The following SCRIB variants were observed in gnomAD, a reference collection of about 807,000 sequenced individuals.
SCRIB encodes protein scribble homolog.
Under a neutral mutation model 170.0 loss-of-function variants are expected in SCRIB, and 72 were observed. That is an observed-to-expected ratio of 0.42 (90% CI 0.35 to 0.52). SCRIB has a LOEUF of 0.52. Among genes scored for constraint, SCRIB ranks in the 20% least tolerant of loss-of-function variants. The pLI is 0.02. For synonymous variants in SCRIB, 1,298 were observed against 1,044.3 expected, an observed-to-expected ratio of 1.24 and a Z score of -4.68; for missense variants, 2,475 against 2,338.5, an observed-to-expected ratio of 1.06 and a Z score of -1.20.
Position 143,813,635 on chromosome 8 carries a change from A to G in SCRIB, c.446+2T>C. 6.2e-7 allele frequency: 1 copy of G among 1,613,084 alleles called. No individual in the cohort carries two copies. The highest frequency in any genetic ancestry group is 8.5e-7 in the Non-Finnish European group (1 of 1,179,846). On this transcript the variant is annotated splice_donor_variant, in intron 4 of 36. Coordinates refer to ENST00000356994, the MANE Select transcript of SCRIB (RefSeq NM_182706.5). LOFTEE classifies it high-confidence loss of function. ...CCTAGTTCCACCTGAGAAGGCACTC[A>G]CTTGCCCACGTCCCCGGGCAGTGCC...
chr8:143,795,205 C>T, intron 26 of SCRIB, 72 bp downstream of exon 26: 1 of 1,602,268 alleles, frequency 6.2e-7, no homozygotes, highest in Non-Finnish European at 8.5e-7. Flanking sequence ...GGGGTTACTA[C>T]CCAGCACCCC....
Position 143,811,044 on chromosome 8 carries a change from G to A in SCRIB, c.1135C>T (p.His379Tyr). The A allele has an allele frequency of 6.2e-7, 1 of 1,612,328 alleles. No homozygotes were observed. Among genetic ancestry groups the A allele is most frequent in the Non-Finnish European group, 8.5e-7 (1 of 1,179,602 alleles). The change falls in exon 11 of 37, where the codon CAC (histidine) becomes TAC (tyrosine). Residue 379 changes from histidine to tyrosine, a missense_variant. By Grantham distance (83) the His-to-Tyr change is moderately conservative. Coordinates refer to ENST00000356994, the MANE Select transcript of SCRIB (RefSeq NM_182706.5). ...RLQSLPFALT[H>Y]LNLKALWLAE... ...AGCCACAGGGCCTTGAGATTGAGGT[G>A]GGTGAGCGCGAACGGCAGACTCTGC...
In SCRIB at chr8:143,791,237, C is replaced by G. The variant is rs201742088; in HGVS notation, c.4894G>C (p.Glu1632Gln). The G allele has an allele frequency of 2.1e-5, 31 of 1,488,550 alleles. No individual in the cohort carries two copies. The East Asian group carries it at 7.3e-4, about 35-fold the overall frequency. The allele number at this position is 1,488,550 out of a possible 1,614,324, so 92.2% of individuals were successfully genotyped here. A position where few individuals can be genotyped will look rare whatever the true frequency, so the allele number is the denominator to read the frequency against. Reference sequence around the variant, plus strand: ...CGGCTGCTGCACAGTGCCACATCTTCAGGGCCCACAGCGCCGGGTGAGGGC... The same window carrying G: ...CGGCTGCTGCACAGTGCCACATCTTGAGGGCCCACAGCGCCGGGTGAGGGC... ...GRPSPGAVGPEDVALCSSRRP... is the reference protein window; with the variant it reads ...GRPSPGAVGPQDVALCSSRRP... The change falls in exon 37 of 37, where the codon GAA becomes CAA. Residue 1632 changes from glutamate to glutamine, a missense_variant. This residue lies in a region of SCRIB where 1,966 missense variants were observed against 1,742.9 expected (regional missense o/e 1.13). Transcript: ENST00000356994.
At position 143,811,133 on chromosome 8, in the gene SCRIB, G is replaced by C. The variant is rs749147375; in HGVS notation, c.1106+13C>G. The C allele has an allele frequency of 1.6e-5, 25 of 1,599,160 alleles. No homozygotes were observed. The highest frequency in any genetic ancestry group is 2.0e-5 in the Non-Finnish European group (24 of 1,173,506). On this transcript the variant is annotated intron_variant, in intron 10 of 36. Coordinates refer to ENST00000356994, the MANE Select transcript of SCRIB (RefSeq NM_182706.5). ...GGCCACGGTTAGGCCCGCAGGGCAA[G>C]GCTGGCACTCACCGGTTCCCCGCCA...
At chr8:143,802,319 ACT>A (rs1815208666) in intron 24 of SCRIB, among the ~76,000 whole-genome samples, 1 of 152,190 alleles carries the variant, frequency 6.6e-6, no homozygotes, top group African/African-American at 2.4e-5. Context: ...GGGTCAGGAC[ACT>A]CTGTGACTGT....
At chr8:143,812,228 A>G (rs772416632) in intron 9 of SCRIB, 38 bp downstream of exon 9, 9 of 1,339,822 alleles carry the variant, frequency 6.7e-6, no homozygotes, top group Non-Finnish European at 9.7e-6. Context: ...TGCACCCCCG[A>G]CGGCCCCATC....
At chr8:143,803,035 C>A (rs1815237247) in intron 24 of SCRIB, among the ~76,000 whole-genome samples, 2 of 152,216 alleles carry the variant, frequency 1.3e-5, no homozygotes, top group Non-Finnish European at 2.9e-5. Context: ...TTGGAGTCAT[C>A]CCTTAGCAGC....
rs1554636127 is a variant in SCRIB, at chr8:143,805,101, C to A, written c.2670+11G>T. On this transcript the variant is annotated intron_variant, in intron 19 of 36. Coordinates refer to ENST00000356994, the MANE Select transcript of SCRIB (RefSeq NM_182706.5). ...AGAGCAGCCCTCCCCGGCCCTGGGC[C>A]CCAGCCTCACCGCATCACCAGCCCT... The A allele has an allele frequency of 5.0e-6, 8 of 1,597,758 alleles. No homozygotes were observed. The highest frequency in any genetic ancestry group is 6.0e-6 in the Non-Finnish European group (7 of 1,172,598).
chr8:143,807,052 G>GAGAGCACAGGCAGCCCCAC, intron 16 of SCRIB, 39 bp from the exon 17 acceptor site: 1 of 1,458,086 alleles, frequency 6.9e-7, no homozygotes, highest in Non-Finnish European at 9.5e-7. Context: ...AAGGGCCGCA[G>GAGAGCACAGGCAGCCCCAC]TGGGGCTGCC....
In SCRIB at chr8:143,809,633, G is replaced by A. The variant is rs760633347; in HGVS notation, c.1616C>T (p.Pro539Leu). 27 of 1,610,874 alleles carry A rather than the reference G, an allele frequency of 1.7e-5. No homozygotes were observed. Among genetic ancestry groups the A allele is most frequent in the Middle Eastern group, 1.7e-4 (1 of 6,048 alleles). Residue 539 changes from proline to leucine, a missense_variant, in exon 14 of 37, where the codon CCG becomes CTG. Around this residue, in one of 3 missense-constraint regions of SCRIB, gnomAD observed 1,966 missense variants for 1,742.9 expected, o/e 1.13. Coordinates refer to ENST00000356994, the MANE Select transcript of SCRIB (RefSeq NM_182706.5). ...GCTCCCACCCTGTGCCTCAGCCGAC[G>A]GGCCCTCGGGCTCAGCCTCAGAGAC... ...STVSEAEPEG[P>L]SAEAQGGSQQ...
chr8:143,813,139 G>A (rs768478120), intron 6 of SCRIB, 35 bp from the exon 7 acceptor site: 9 of 1,573,532 alleles, frequency 5.7e-6, no homozygotes, highest in African/African-American at 1.3e-5. Flanking sequence ...GTGACTATGA[G>A]GCAAAGCCTC....
intron 29 of SCRIB, 31 bp downstream of exon 29, chr8:143,792,945 C>G: frequency 6.7e-7 from 1 of 1,499,394 alleles, no homozygotes; most frequent in Non-Finnish European, 8.9e-7. Context: ...CCCAACCACG[C>G]GCAGCAGGGA....
In SCRIB at chr8:143,795,118, G is replaced by A; in HGVS notation, c.3772-6C>T. ...AGGGGCTGCAGACCCCGACCCTGGGGGCAGAGTGAACACAGCACTAGCAGG... is the reference window on the plus strand; with the variant it reads ...AGGGGCTGCAGACCCCGACCCTGGGAGCAGAGTGAACACAGCACTAGCAGG... On this transcript the variant is annotated splice_region_variant and splice_polypyrimidine_tract_variant and intron_variant, in intron 26 of 36. Coordinates refer to ENST00000356994, the MANE Select transcript of SCRIB (RefSeq NM_182706.5). The A allele has an allele frequency of 6.2e-7, 1 of 1,610,796 alleles. No individual in the cohort carries two copies. The highest frequency in any genetic ancestry group is 2.2e-5 in the East Asian group (1 of 44,814).
chr8:143,794,439 AC>A (rs1814853106), intron 27 of SCRIB, among the ~76,000 whole-genome samples: 1 of 152,038 alleles, frequency 6.6e-6, no homozygotes, highest in South Asian at 2.1e-4. Flanking sequence ...CAGGGTCAGT[AC>A]CCAAGAGCCC....
rs201267684 is a variant in SCRIB at position 143,806,902 on chromosome 8, G to A, written c.2268+22C>T. 2.6e-4 allele frequency: 406 copies of A among 1,554,252 alleles called. 1 individual carries two copies. In the African/African-American group the frequency reaches 4.3e-3, roughly 16 times the overall value. ...TGGGGCAGGCCAGTGGCAGCGGAAAGGCCCTCCTAGGCAGTGCTCACCTCG... is the reference window on the plus strand; with the variant it reads ...TGGGGCAGGCCAGTGGCAGCGGAAAAGCCCTCCTAGGCAGTGCTCACCTCG... On this transcript the variant is annotated intron_variant, in intron 17 of 36. Coordinates refer to ENST00000356994, the MANE Select transcript of SCRIB (RefSeq NM_182706.5).
chr8:143,811,399 G>C, intron 9 of SCRIB, 54 bp from the exon 10 acceptor site: 1 of 1,519,766 alleles, frequency 6.6e-7, no homozygotes, highest in South Asian at 1.2e-5. Context: ...GGGTGGGAAG[G>C]AGATGACAGC....
intron 24 of SCRIB, among the ~76,000 whole-genome samples, chr8:143,796,551 G>A (rs1207911014): frequency 6.6e-6 from 1 of 152,212 alleles, no homozygotes; most frequent in Non-Finnish European, 1.5e-5. Context: ...GCAGACGGAT[G>A]CCGTCACCAC....
In SCRIB at chr8:143,810,727, TG is replaced by T; in HGVS notation, c.1362del (p.Ile455Ter). On this transcript the variant is annotated frameshift_variant, in exon 12 of 37. Transcript: ENST00000356994. LOFTEE classifies it high-confidence loss of function. Reference protein sequence around the residue: ...RVSVIQFLEAPIGDEDAEEAA... With the variant: ...RVSVIQFLEAXIGDEDAEEAA... Reference sequence around the variant, plus strand: ...GCTTCCTCAGCGTCCTCATCACCTATGGGGGCCTCCAGGAACTGGATGACGC... The same window carrying T: ...GCTTCCTCAGCGTCCTCATCACCTATGGGGCCTCCAGGAACTGGATGACGC... The T allele has an allele frequency of 1.2e-6, 2 of 1,609,156 alleles. No individual in the cohort carries two copies. Among genetic ancestry groups the T allele is most frequent in the Non-Finnish European group, 8.5e-7 (1 of 1,177,736 alleles).
rs557969428 is a variant in SCRIB at position 143,792,555 on chromosome 8, C to A, written c.4258G>T (p.Gly1420Trp). ...AGAEARLALD[G>W]ETLGEEEQED... The stretch of plus-strand genomic sequence containing the variant: ...TGTTCCTCCTCGCCCAGCGTCTCCC[C>A]GTCCAGGGCGAGCCTCGCTTCGGCC... The change falls in exon 31 of 37, where the codon GGG becomes TGG. Residue 1420 changes from glycine to tryptophan, a missense_variant. Gly to Trp is a radical substitution (Grantham distance 184). Coordinates refer to ENST00000356994, the MANE Select transcript of SCRIB (RefSeq NM_182706.5). 1.3e-6 allele frequency: 2 copies of A among 1,565,282 alleles called. No homozygotes were observed. The highest frequency in any genetic ancestry group is 2.3e-5 in the East Asian group (1 of 43,078).
Sources: allele counts gnomAD v4.1 joint callset (sites outside exome capture counted in the v4.1 genomes callset), GRCh38; gene constraint gnomAD v4.1.1; regional missense constraint gnomAD v4.1.1; transcripts MANE v1.5; gene names NCBI Gene and HGNC (gene_info 2026-07-23, HGNC 2026-07-21).